The following CEPT1 variants were observed in gnomAD, a reference collection of about 807,000 sequenced individuals.
CEPT1 encodes choline/ethanolaminephosphotransferase 1.
CEPT1 carries 7 observed loss-of-function variants against 42.6 expected under a neutral mutation model. The observed-to-expected ratio is 0.16, with a 90% CI of 0.09 to 0.31. CEPT1 has a LOEUF of 0.31. Ranked by LOEUF, CEPT1 falls within the 10% of genes least tolerant of loss-of-function variation. The pLI is 1.00. For synonymous variants in CEPT1, 171 were observed against 171.9 expected (o/e 0.99, Z 0.04); for missense variants, 306 against 502.1 (o/e 0.61, Z 3.73).
intron 1 of CEPT1, among the ~76,000 whole-genome samples, chr1:111,141,234 C>G (rs1048676084): frequency 6.6e-5 from 10 of 152,164 alleles, no homozygotes; most frequent in Non-Finnish European, 1.2e-4. Context: ...ACTTATAACA[C>G]AAGTTAGACT....
At chr1:111,145,966 T>C (rs930339888) in intron 1 of CEPT1, among the ~76,000 whole-genome samples, 7 of 152,368 alleles carry the variant, frequency 4.6e-5, no homozygotes, top group African/African-American at 1.7e-4. Flanking sequence ...ATTGTCGAGA[T>C]GTCCTAGACC....
intron 4 of CEPT1, among the ~76,000 whole-genome samples, chr1:111,170,804 T>C (rs1656378626): frequency 6.6e-6 from 1 of 152,144 alleles, no homozygotes; most frequent in Non-Finnish European, 1.5e-5. Context: ...ACAAAATCCT[T>C]CTCTTTAACA....
intron 4 of CEPT1, among the ~76,000 whole-genome samples, chr1:111,173,847 T>C (rs188900739): frequency 6.6e-6 from 1 of 152,318 alleles, no homozygotes. Context: ...ATATCTTTGC[T>C]ACTTTTTATA....
intron 3 of CEPT1, 61 bp downstream of exon 3, chr1:111,159,588 A>G: frequency 1.5e-6 from 2 of 1,358,322 alleles, no homozygotes; most frequent in Non-Finnish European, 2.0e-6. Context: ...TGTGCTAAGC[A>G]GTGTTAGAAT....
chr1:111,151,409 A>G (rs536533964), intron 2 of CEPT1, among the ~76,000 whole-genome samples: 1 of 152,336 alleles, frequency 6.6e-6, no homozygotes, highest in South Asian at 2.1e-4. Context: ...GGCGTGTGCC[A>G]CCACACCCGG....
At chr1:111,145,019 ATTT>A (rs542392286) in intron 1 of CEPT1, among the ~76,000 whole-genome samples, 1 of 146,772 alleles carries the variant, frequency 6.8e-6, no homozygotes. Context: ...TGAAATATTA[ATTT>A]TTTTTTTTTT....
chr1:111,174,843 C>A, intron 4 of CEPT1, 36 bp from the exon 5 acceptor site: 1 of 1,266,082 alleles, frequency 7.9e-7, no homozygotes, highest in Non-Finnish European at 1.2e-6. Context: ...ATTGTTGTGA[C>A]TAATTCTGCT....
chr1:111,171,847 TC>T (rs1293011248), intron 4 of CEPT1, among the ~76,000 whole-genome samples: 1 of 152,220 alleles, frequency 6.6e-6, no homozygotes, highest in African/African-American at 2.4e-5. Flanking sequence ...CAAGTGATTC[TC>T]CCGCCTCAGC....
At chr1:111,143,526 G>A (rs1472462280) in intron 1 of CEPT1, 1 of 152,150 alleles carries the variant, frequency 6.6e-6, no homozygotes, top group Non-Finnish European at 1.5e-5. Flanking sequence ...TTATATGTTG[G>A]CTGAATGCAT....
chr1:111,153,967 A>AT (rs565176547), intron 2 of CEPT1, among the ~76,000 whole-genome samples: 6 of 151,264 alleles, frequency 4.0e-5, no homozygotes, highest in South Asian at 4.2e-4. Flanking sequence ...ACATTTTAGG[A>AT]TTTTTTTTCT....
intron 4 of CEPT1, among the ~76,000 whole-genome samples, chr1:111,171,379 A>T (rs927349161): frequency 6.6e-6 from 1 of 152,204 alleles, no homozygotes; most frequent in African/African-American, 2.4e-5. Context: ...AACTAAAGAG[A>T]TGCTCTGTTC....
intron 5 of CEPT1, chr1:111,178,235 C>T (rs1389970119): frequency 6.6e-6 from 1 of 152,176 alleles, no homozygotes; most frequent in Non-Finnish European, 1.5e-5. Flanking sequence ...TCCAAATCCT[C>T]ATTAAGTTAG....
chr1:111,158,091 C>G (rs1655664898), intron 2 of CEPT1, among the ~76,000 whole-genome samples: 1 of 152,146 alleles, frequency 6.6e-6, no homozygotes. Flanking sequence ...CCTGTAATCC[C>G]AACACTTTGG....
At chr1:111,152,852 C>T (rs1571121752) in intron 2 of CEPT1, among the ~76,000 whole-genome samples, 1 of 151,984 alleles carries the variant, frequency 6.6e-6, no homozygotes, top group South Asian at 2.1e-4. Context: ...TTTTTTCCTT[C>T]TGATTGACAC....
At chr1:111,181,959 G>GTT in intron 5 of CEPT1, 1 of 292,618 alleles carries the variant, frequency 3.4e-6, no homozygotes, top group East Asian at 7.1e-5. Flanking sequence ...TGGTTTTTTT[G>GTT]TTTTTTTTAA....
At chr1:111,175,083 G>T in intron 5 of CEPT1, 120 bp downstream of exon 5, 1 of 682,748 alleles carries the variant, frequency 1.5e-6, no homozygotes, top group Non-Finnish European at 2.6e-6. Flanking sequence ...TTTCCAAACA[G>T]TAGAACACAA....
Position 111,152,579 on chromosome 1 carries a change from T to A in CEPT1, c.339+4526T>A, listed in dbSNP as rs113172624. Among the ~76,000 whole-genome samples, 1,054 of 152,194 alleles carry A rather than the reference T, an allele frequency of 6.9e-3. 14 individuals are homozygous for A. Among genetic ancestry groups the A allele is most frequent in the African/African-American group, 0.021 (878 of 41,476 alleles). ...AAGTATGCAAAATAAGTCTTTATTG[T>A]TTAGGATTGCATATATATGTAATCA... On this transcript the variant is annotated intron_variant, in intron 2 of 8. Transcript: ENST00000357172.
intron 2 of CEPT1, among the ~76,000 whole-genome samples, chr1:111,159,096 G>T (rs901498524): frequency 6.7e-6 from 1 of 150,346 alleles, no homozygotes; most frequent in Non-Finnish European, 1.5e-5. Context: ...TGTATTTTTA[G>T]TAGAGACGGG....
chr1:111,183,473 G>T lies in CEPT1; in HGVS notation c.1017G>T (p.Met339Ile). The change falls in exon 8 of 9, where the codon ATG becomes ATT. Residue 339 changes from methionine (M) to isoleucine (I), a missense_variant. Met to Ile is a conservative substitution (Grantham distance 10). Coordinates refer to ENST00000357172, the MANE Select transcript of CEPT1 (RefSeq NM_006090.5). ...KITNKLVVAH[M>I]TKSEMHLHDT... ...TGTTTTATTCATAGGTTGCACACATGACGAAAAGTGAAATGCATTTGCATG... is the reference window on the plus strand; with the variant it reads ...TGTTTTATTCATAGGTTGCACACATTACGAAAAGTGAAATGCATTTGCATG... 1 of 1,613,602 alleles carries T rather than the reference G, an allele frequency of 6.2e-7. No homozygotes were observed. Among genetic ancestry groups the T allele is most frequent in the South Asian group, 1.1e-5 (1 of 91,060 alleles).
Sources: allele counts gnomAD v4.1 joint callset (sites outside exome capture counted in the v4.1 genomes callset), GRCh38; gene constraint gnomAD v4.1.1; transcripts MANE v1.5; gene names NCBI Gene and HGNC (gene_info 2026-07-23, HGNC 2026-07-21).